Variants in B9D1 observed in about 807,000 individuals in gnomAD.
B9D1 encodes the protein B9 domain-containing protein 1.
A neutral mutation model predicts 26.1 loss-of-function variants in B9D1; 20 were observed. The observed-to-expected ratio is 0.77, with a 90% confidence interval of 0.54 to 1.12. The LOEUF is 1.12. Among genes scored for constraint, B9D1 ranks in the 50% most tolerant of loss-of-function variants. B9D1 has a pLI of 0.00. For synonymous variants in B9D1, 105 were observed against 103.1 expected, an observed-to-expected ratio of 1.02 and a Z score of -0.11; for missense variants, 260 against 273.7, an observed-to-expected ratio of 0.95 and a Z score of 0.35.
intron 1 of B9D1, 138 bp from the exon 2 acceptor site, chr17:19,360,526 AGAG>A (rs1910912935): frequency 1.3e-6 from 1 of 768,812 alleles, no homozygotes; most frequent in Middle Eastern, 2.3e-4. Flanking sequence ...AGATGTGTTC[AGAG>A]GAGAGGCTGA....
chr17:19,347,203 G>A lies in B9D1; in HGVS notation c.404+66C>T, dbSNP rs1231935993. On this transcript the variant is annotated intron_variant, in intron 5 of 6. Coordinates refer to ENST00000261499, the MANE Select transcript of B9D1 (RefSeq NM_015681.6). The surrounding 1 kb of genome is among the most constrained non-coding windows in gnomAD (Gnocchi z 4.3). ...GGAGGCGACCAGGCACAAACTGAGG[G>A]GTAGAATGGGACATCCATTCATCCA... The A allele has an allele frequency of 2.5e-6, 4 of 1,614,024 alleles. No homozygotes were observed. The highest frequency in any genetic ancestry group is 2.2e-5 in the East Asian group (1 of 44,896).
At chr17:19,365,281 G>T (rs903003305), upstream of B9D1, among the ~76,000 whole-genome samples, 1 of 152,234 alleles carries the variant, frequency 6.6e-6, no homozygotes, top group African/African-American at 2.4e-5. This position sits in a 1 kb window ranked among gnomAD's most constrained non-coding sequence, Gnocchi z 5.0. Flanking sequence ...ATCTGCAGTC[G>T]ATCTGGACCC....
chr17:19,335,586 T>A, downstream of B9D1: 5 of 905,110 alleles, frequency 5.5e-6, no homozygotes, highest in South Asian at 2.0e-5. Flanking sequence ...TGCCCACGGG[T>A]CCCTGGGCAA....
In B9D1 at chr17:19,357,651, G is replaced by A. The variant is rs772312816; in HGVS notation, c.244+189C>T. ...CTGCACAGCCTGTAGCAGATGAAGG[G>A]GGTGAGTGGGGATGAGGAAGAAGAG... On this transcript the variant is annotated intron_variant, in intron 3 of 6. Coordinates refer to ENST00000261499, the MANE Select transcript of B9D1 (RefSeq NM_015681.6). 8.5e-4 allele frequency: 546 copies of A among 640,830 alleles called. 1 individual carries two copies. The highest frequency in any genetic ancestry group is 1.3e-3 in the Non-Finnish European group (447 of 349,348). The allele number at this position is 640,830 out of a possible 1,614,324, so 39.7% of individuals were successfully genotyped here. A position where few individuals can be genotyped will look rare whatever the true frequency, so the allele number is the denominator to read the frequency against.
At chr17:19,367,143 A>C (rs1347540997), upstream of B9D1, among the ~76,000 whole-genome samples, 1 of 152,126 alleles carries the variant, frequency 6.6e-6, no homozygotes, top group Non-Finnish European at 1.5e-5. Context: ...CGGTAGATAA[A>C]GTAGAAATCT....
intron 5 of B9D1, among the ~76,000 whole-genome samples, chr17:19,345,839 GGT>G (rs1908701115): frequency 6.6e-6 from 1 of 152,210 alleles, no homozygotes; most frequent in Non-Finnish European, 1.5e-5. Flanking sequence ...CTGGGAGAGG[GGT>G]GGGGATGACC....
At chr17:19,367,308 CTTTT>C (rs35898862), upstream of B9D1, among the ~76,000 whole-genome samples, 1 of 121,518 alleles carries the variant, frequency 8.2e-6, no homozygotes, top group Non-Finnish European at 1.7e-5. Context: ...TAAAATCAAT[CTTTT>C]TTTTTTTTTT....
At chr17:19,335,940 T>C (rs1203719249), downstream of B9D1, 1 of 152,762 alleles carries the variant, frequency 6.5e-6, no homozygotes, top group Non-Finnish European at 1.5e-5. Context: ...CTGGCCCTTT[T>C]TCCACCATGG....
rs770523605 is a variant in B9D1 at position 19,343,768 on chromosome 17, AAG to A, written c.472+20_472+21del. On this transcript the variant is annotated intron_variant, in intron 6 of 6. Coordinates refer to ENST00000261499, the MANE Select transcript of B9D1 (RefSeq NM_015681.6). Reference sequence around the variant, plus strand: ...TGTAACCTGTATGGGGGATGGGGGTAAGAGAGGGGAGGGAGCTTTACCTTCCC... The same window carrying A: ...TGTAACCTGTATGGGGGATGGGGGTAAGAGGGGAGGGAGCTTTACCTTCCC... The A allele has an allele frequency of 8.1e-6, 13 of 1,613,056 alleles. No homozygotes were observed. The South Asian group carries it at 1.2e-4, about 15-fold the overall frequency.
At chr17:19,342,078 G>A (rs1908030218), downstream of B9D1, among the ~76,000 whole-genome samples, 1 of 152,194 alleles carries the variant, frequency 6.6e-6, no homozygotes, top group South Asian at 2.1e-4. Context: ...ACTGTTCCAA[G>A]TGAGGAGGTT....
chr17:19,351,226 C>T (rs931797496), intron 3 of B9D1, among the ~76,000 whole-genome samples: 1 of 152,138 alleles, frequency 6.6e-6, no homozygotes, highest in African/African-American at 2.4e-5. Flanking sequence ...AAACTCCTGG[C>T]CTCAAGCAAT....
intron 1 of B9D1, among the ~76,000 whole-genome samples, chr17:19,369,619 C>A (rs1311870441): frequency 1.3e-5 from 2 of 151,954 alleles, no homozygotes; most frequent in African/African-American, 4.8e-5. Flanking sequence ...GGGGGGAAAG[C>A]TGAGAGGCCG....
downstream of B9D1, among the ~76,000 whole-genome samples, chr17:19,342,588 T>C (rs1386512139): frequency 6.6e-6 from 1 of 152,076 alleles, no homozygotes; most frequent in African/African-American, 2.4e-5. Flanking sequence ...AAAGTAATGC[T>C]GAAGGGGCTC....
intron 3 of B9D1, among the ~76,000 whole-genome samples, chr17:19,348,215 C>T (rs1415275905): frequency 6.6e-6 from 1 of 152,098 alleles, no homozygotes; most frequent in African/African-American, 2.4e-5. Flanking sequence ...TGATCAGGGC[C>T]GACTAAGGAC....
chr17:19,360,368 G>C lies in B9D1; in HGVS notation c.84C>G (p.Leu28=). 6.2e-7 allele frequency: 1 copy of C among 1,613,918 alleles called. No homozygotes were observed. The highest frequency in any genetic ancestry group is 2.2e-5 in the East Asian group (1 of 44,894). The change falls in exon 2 of 7, where the codon CTC becomes CTG. Residue 28 remains leucine (L), a synonymous_variant. Coordinates refer to ENST00000261499, the MANE Select transcript of B9D1 (RefSeq NM_015681.6). ...CGTACACAAAGCAGTACTTGCAGTA[G>C]AGGTCATCATACTCTGGAAACTGAA... ...ESAQFPEYDD[L]YCKYCFVYGQ... is the part of the protein sequence containing the mutation.
upstream of B9D1, among the ~76,000 whole-genome samples, chr17:19,366,737 A>G (rs6587073): frequency 0.97 from 147,362 of 152,310 alleles, 71,552 homozygotes; most frequent in African/African-American, 0.99. Context: ...CACTTGGAAC[A>G]CCGGTTGCTT....
chr17:19,362,721 T>C lies in B9D1; in HGVS notation c.-152A>G, dbSNP rs755124247. On this transcript the variant is annotated 5_prime_UTR_variant, in exon 1 of 7. An upstream start codon of the reference 5' UTR is lost. Coordinates refer to ENST00000261499, the MANE Select transcript of B9D1 (RefSeq NM_015681.6). ...AGGCCACGCGAGTGCGCGTGTGGCATGCGCAGGCGCAGTGAACGGGCGCCG... is the reference window on the plus strand; with the variant it reads ...AGGCCACGCGAGTGCGCGTGTGGCACGCGCAGGCGCAGTGAACGGGCGCCG... 1 of 1,419,498 alleles carries C rather than the reference T, an allele frequency of 7.0e-7. No homozygotes were observed. The highest frequency in any genetic ancestry group is 9.3e-7 in the Non-Finnish European group (1 of 1,073,418). The allele number at this position is 1,419,498 out of a possible 1,614,324, so 87.9% of individuals were successfully genotyped here.
At chr17:19,337,845 C>T (rs1029652889), downstream of B9D1, 3 of 804,090 alleles carry the variant, frequency 3.7e-6, no homozygotes, top group African/African-American at 3.4e-5. Context: ...AGAATTAGGC[C>T]CTCGGCCCCC....
At chr17:19,341,461 G>A (rs1907953781), downstream of B9D1, 1 of 495,696 alleles carries the variant, frequency 2.0e-6, no homozygotes, top group African/African-American at 2.0e-5. Flanking sequence ...GATGGAGGGA[G>A]AAGGGGAGAA....
Sources: gnomAD v4.1 joint callset for allele counts (sites outside exome capture counted in the v4.1 genomes callset) on GRCh38, gnomAD v4.1.1 for gene constraint, Gnocchi (gnomAD v3.1) non-coding constraint, MANE v1.5 for transcripts, NCBI Gene and HGNC (gene_info 2026-07-23, HGNC 2026-07-21) for gene names.